Variants in FAM13A observed in about 807,000 individuals in gnomAD.
The protein encoded by FAM13A is family with sequence similarity 13 member A, also known as protein FAM13A.
FAM13A carries 76 observed loss-of-function variants against 129.6 expected under a neutral mutation model. The ratio of observed to expected loss-of-function variants is 0.59; its 90% CI spans 0.49 to 0.71. FAM13A has a LOEUF of 0.71. Ranked by LOEUF, FAM13A falls within the 30% of genes least tolerant of loss-of-function variation. The pLI is 0.00. For missense variants in FAM13A, 1,108 were observed against 1,249.3 expected (o/e 0.89, Z 1.70); for synonymous variants, 443 against 449.9 (o/e 0.98, Z 0.20).
At chr4:88,896,276 T>G (rs2446296) in intron 6 of FAM13A, among the ~76,000 whole-genome samples, 18,097 of 61,178 alleles carry the variant, frequency 0.3, 1,368 homozygotes, top group Middle Eastern at 0.36. Context: ...GTTGTGGGGT[T>G]GGGGGAGGGG....
intron 14 of FAM13A, among the ~76,000 whole-genome samples, chr4:88,757,696 T>TA (rs1257794079): frequency 6.6e-6 from 1 of 152,158 alleles, no homozygotes; most frequent in Non-Finnish European, 1.5e-5. Context: ...AGAACTAGAA[T>TA]AAAAAAGTTT....
At chr4:88,880,268 G>A (rs957774457) in intron 6 of FAM13A, among the ~76,000 whole-genome samples, 2 of 152,132 alleles carry the variant, frequency 1.3e-5, no homozygotes, top group Non-Finnish European at 2.9e-5. Context: ...AGCCCAAAGT[G>A]TGAAAGTGTG....
At chr4:88,923,769 G>C (rs920987013) in intron 5 of FAM13A, among the ~76,000 whole-genome samples, 7 of 152,262 alleles carry the variant, frequency 4.6e-5, no homozygotes, top group African/African-American at 1.4e-4. Context: ...AAGTGTCCCT[G>C]TTTGCAGATG....
At chr4:88,973,314 A>G (rs1229235764) in intron 4 of FAM13A, among the ~76,000 whole-genome samples, 1 of 152,102 alleles carries the variant, frequency 6.6e-6, no homozygotes, top group Non-Finnish European at 1.5e-5. Context: ...ATTATACCAC[A>G]GTAATTGGAT....
intron 5 of FAM13A, among the ~76,000 whole-genome samples, chr4:88,933,163 A>T (rs1012728801): frequency 2.6e-5 from 4 of 152,192 alleles, no homozygotes; most frequent in African/African-American, 9.6e-5. Context: ...TCTAATAAAG[A>T]AAGTCTTATA....
In FAM13A at chr4:88,964,903, C is replaced by T. The variant is rs560855147; in HGVS notation, c.605+26070G>A. 3.0e-3 allele frequency among the ~76,000 whole-genome samples: 453 copies of T among 152,234 alleles called. 5 individuals are homozygous for T. Among genetic ancestry groups the T allele is most frequent in the African/African-American group, 0.01 (433 of 41,526 alleles). ...TCGGCCTCCCAAAGTGCTGGGATTA[C>T]AGGCGTGAGATACCGCGCCCGGCCC... On this transcript the variant is annotated intron_variant, in intron 4 of 23. Transcript: ENST00000264344.
rs1158179811 is a variant in FAM13A, at chr4:88,987,838, C to CAAAAAAAAA, written c.605+3126_605+3134dup. The stretch of plus-strand genomic sequence containing the variant: ...GCCTGGGTGACAGTGAGACTCCTCT[C>CAAAAAAAAA]AAAAAAAAAAAAAAAAACTTAATCT... On this transcript the variant is annotated intron_variant, in intron 4 of 23. Coordinates refer to ENST00000264344, the MANE Select transcript of FAM13A (RefSeq NM_014883.4). 1.2e-3 allele frequency among the ~76,000 whole-genome samples: 88 copies of CAAAAAAAAA among 71,174 alleles called. 9 individuals are homozygous for CAAAAAAAAA. The highest frequency in any genetic ancestry group is 7.3e-3 in the South Asian group (12 of 1,640). The allele number at this position is 71,174 out of a possible 152,430, so 46.7% of individuals were successfully genotyped here.
chr4:88,824,169 TAGC>T (rs1171482395), intron 7 of FAM13A, among the ~76,000 whole-genome samples: 1 of 152,088 alleles, frequency 6.6e-6, no homozygotes, highest in Non-Finnish European at 1.5e-5. Context: ...TTAAGAAAAA[TAGC>T]AGAAATATAT....
At chr4:88,958,142 G>A (rs950255178) in intron 4 of FAM13A, among the ~76,000 whole-genome samples, 13 of 152,144 alleles carry the variant, frequency 8.5e-5, no homozygotes, top group Non-Finnish European at 7.4e-5. Context: ...AGAAATTTGC[G>A]TGACTAAAAG....
intron 7 of FAM13A, among the ~76,000 whole-genome samples, chr4:88,843,386 G>A (rs1001149168): frequency 1.3e-5 from 2 of 152,190 alleles, no homozygotes; most frequent in Non-Finnish European, 2.9e-5. Flanking sequence ...TATAAATCTT[G>A]TATCTAAGAA....
chr4:88,852,261 A>C (rs957876153), intron 6 of FAM13A, among the ~76,000 whole-genome samples: 2 of 151,612 alleles, frequency 1.3e-5, no homozygotes. Context: ...TCCTGGGTTC[A>C]AGCGATTCTC....
At chr4:89,043,351 C>T (rs1230261054) in intron 1 of FAM13A, among the ~76,000 whole-genome samples, 1 of 152,090 alleles carries the variant, frequency 6.6e-6, no homozygotes, top group Non-Finnish European at 1.5e-5. Flanking sequence ...GCTCTCTTGA[C>T]CCAGGCCAGC....
At chr4:89,012,241 G>T (rs1765831044) in intron 3 of FAM13A, among the ~76,000 whole-genome samples, 1 of 152,060 alleles carries the variant, frequency 6.6e-6, no homozygotes, top group Admixed American at 6.6e-5. Context: ...ATATACTACT[G>T]CCCTACCAAC....
intron 5 of FAM13A, among the ~76,000 whole-genome samples, chr4:88,924,176 C>T (rs1404812416): frequency 6.6e-6 from 1 of 152,174 alleles, no homozygotes; most frequent in Admixed American, 6.5e-5. Flanking sequence ...CTACCAATGA[C>T]TTTCTTCACA....
chr4:88,810,169 T>C (rs1213640674), intron 7 of FAM13A, among the ~76,000 whole-genome samples: 1 of 152,124 alleles, frequency 6.6e-6, no homozygotes, highest in South Asian at 2.1e-4. Flanking sequence ...AGAGGTATTA[T>C]TCTGAAGGCA....
At chr4:88,862,922 GAA>G (rs1033152887) in intron 6 of FAM13A, among the ~76,000 whole-genome samples, 1 of 143,102 alleles carries the variant, frequency 7.0e-6, no homozygotes, top group Admixed American at 7.0e-5. Flanking sequence ...ACATCATGAG[GAA>G]AAAAAAAAAA....
intron 1 of FAM13A, among the ~76,000 whole-genome samples, chr4:89,052,242 G>A (rs1205626614): frequency 7.0e-6 from 1 of 143,244 alleles, no homozygotes; most frequent in Non-Finnish European, 1.5e-5. Flanking sequence ...AGGAGGTTCT[G>A]GGCAGCGCTT....
At chr4:89,001,383 A>T (rs1275446988) in intron 3 of FAM13A, among the ~76,000 whole-genome samples, 3 of 152,222 alleles carry the variant, frequency 2.0e-5, no homozygotes, top group African/African-American at 4.8e-5. Context: ...CTTTGGGTTT[A>T]AGTCTTTACT....
chr4:88,873,195 C>A (rs1359240229), intron 6 of FAM13A, among the ~76,000 whole-genome samples: 1 of 152,076 alleles, frequency 6.6e-6, no homozygotes, highest in African/African-American at 2.4e-5. Context: ...CAGGAAAGAT[C>A]TAAAATTGAC....
Sources: allele counts gnomAD v4.1 joint callset (sites outside exome capture counted in the v4.1 genomes callset), GRCh38; gene constraint gnomAD v4.1.1; transcripts MANE v1.5; gene names NCBI Gene and HGNC (gene_info 2026-07-23, HGNC 2026-07-21).